The following PON1 variants were observed in gnomAD, a reference collection of about 807,000 sequenced individuals.
The protein encoded by PON1 is serum paraoxonase/arylesterase 1.
PON1 carries 37 observed loss-of-function variants against 39.2 expected under a neutral mutation model. The ratio of observed to expected loss-of-function variants is 0.94; its 90% confidence interval spans 0.73 to 1.24. The LOEUF is 1.24. Among genes scored for constraint, PON1 ranks in the 50% most tolerant of loss-of-function variants. PON1 has a pLI of 0.00. For synonymous variants in PON1, 148 were observed against 152.2 expected (o/e 0.97, Z 0.21); for missense variants, 397 against 413.5 (o/e 0.96, Z 0.35).
At chr7:95,301,941 C>CA (rs1263735636) in intron 8 of PON1, among the ~76,000 whole-genome samples, 3 of 121,136 alleles carry the variant, frequency 2.5e-5, no homozygotes, top group African/African-American at 9.5e-5. Flanking sequence ...AAAAAAAATA[C>CA]AAAAAATTAG....
chr7:95,307,072 TTAA>T (rs1196781412), intron 6 of PON1, among the ~76,000 whole-genome samples: 2 of 146,812 alleles, frequency 1.4e-5, no homozygotes, highest in African/African-American at 5.2e-5. Flanking sequence ...TTTTTTTTTT[TTAA>T]AAAAAAACAG....
intron 1 of PON1, chr7:95,318,617 G>A: frequency 2.0e-6 from 1 of 500,002 alleles, no homozygotes; most frequent in South Asian, 2.0e-5. Context: ...GTACACATAA[G>A]AGATACATAA....
In PON1 at chr7:95,324,445, C is replaced by T. The variant is rs2116333838; in HGVS notation, c.31G>A (p.Gly11Arg). The change falls in exon 1 of 9, where the codon GGG (glycine) becomes AGG (arginine). Residue 11 changes from glycine (G) to arginine (R), a missense_variant. Transcript: ENST00000222381. MAKLIALTLL[G>R]MGLALFRNHQ... Reference sequence around the variant, plus strand: ...TTCCTGAAGAGTGCCAGTCCCATCCCCAAGAGGGTGAGCGCAATCAGCTTC... The same window carrying T: ...TTCCTGAAGAGTGCCAGTCCCATCCTCAAGAGGGTGAGCGCAATCAGCTTC... 1.2e-6 allele frequency: 2 copies of T among 1,614,180 alleles called. No individual in the cohort carries two copies. Among genetic ancestry groups the T allele is most frequent in the African/African-American group, 1.3e-5 (1 of 75,056 alleles).
intron 2 of PON1, among the ~76,000 whole-genome samples, chr7:95,317,263 T>A (rs1461680192): frequency 6.6e-6 from 1 of 152,122 alleles, no homozygotes; most frequent in Non-Finnish European, 1.5e-5. Flanking sequence ...TTTTAGGTGA[T>A]CAAGAATATG....
In PON1 at chr7:95,324,458, C is replaced by T; in HGVS notation, c.18G>A (p.Ala6=). 6 of 1,614,102 alleles carry T rather than the reference C, an allele frequency of 3.7e-6. No homozygotes were observed. The highest frequency in any genetic ancestry group is 5.1e-6 in the Non-Finnish European group (6 of 1,179,998). The stretch of plus-strand genomic sequence containing the variant: ...CCAGTCCCATCCCCAAGAGGGTGAG[C>T]GCAATCAGCTTCGCCATGGTCGGGG... MAKLI[A]LTLLGMGLAL... is the part of the protein sequence containing the mutation. The change falls in exon 1 of 9, where the codon GCG becomes GCA. Residue 6 remains alanine (A), a synonymous_variant. Coordinates refer to ENST00000222381, the MANE Select transcript of PON1 (RefSeq NM_000446.7).
intron 4 of PON1, 135 bp from the exon 5 acceptor site, chr7:95,311,712 T>C (rs1189143112): frequency 1.0e-6 from 1 of 953,734 alleles, no homozygotes; most frequent in Non-Finnish European, 1.6e-6. Context: ...CATCTCTTTG[T>C]AGAGAGAAGC....
At position 95,316,739 on chromosome 7, in the gene PON1, T is replaced by C; in HGVS notation, c.196A>G (p.Ser66Gly). The change falls in exon 3 of 9, where the codon AGC (serine) becomes GGC (glycine). Residue 66 changes from serine (S) to glycine (G), a missense_variant. Physicochemically the swap from Ser to Gly is moderately conservative, Grantham distance 56. Transcript: ENST00000222381. ...AAGTGAAAGAAAACACTCACAGAGC[T>C]AATGAAAGCCAGTCCATTAGGCAGT... ...EILPNGLAFI[S>G]SGLKYPGIKS... The C allele has an allele frequency of 1.9e-6, 3 of 1,613,116 alleles. No individual in the cohort carries two copies. The highest frequency in any genetic ancestry group is 2.5e-6 in the Non-Finnish European group (3 of 1,179,126).
At chr7:95,311,414 A>G (rs1807650576) in intron 5 of PON1, 37 bp downstream of exon 5, 1 of 1,612,308 alleles carries the variant, frequency 6.2e-7, no homozygotes, top group Non-Finnish European at 8.5e-7. Context: ...TATCCGCTAC[A>G]GCTAAAGGAA....
chr7:95,311,632 C>G, intron 4 of PON1, 55 bp from the exon 5 acceptor site: 2 of 1,609,186 alleles, frequency 1.2e-6, no homozygotes, highest in African/African-American at 2.7e-5. Context: ...CACTGTCAGC[C>G]CTCTCTCCAA....
intron 6 of PON1, among the ~76,000 whole-genome samples, chr7:95,307,774 C>G (rs1406738723): frequency 6.6e-6 from 1 of 152,090 alleles, no homozygotes; most frequent in African/African-American, 2.4e-5. Context: ...TCACAGTTCC[C>G]CCTCTTAAAA....
At position 95,318,395 on chromosome 7, in the gene PON1, T is replaced by C; in HGVS notation, c.75-2A>G. On this transcript the variant is annotated splice_acceptor_variant, in intron 1 of 8. Transcript: ENST00000222381. LOFTEE classifies it high-confidence loss of function. ...TCTCGGAGAGCATTAAGTCGTGTTC[T>C]GTGGGGGAGAAAGAAATAAAACACA... 6.2e-7 allele frequency: 1 copy of C among 1,603,352 alleles called. No homozygotes were observed. Among genetic ancestry groups the C allele is most frequent in the Non-Finnish European group, 8.5e-7 (1 of 1,170,338 alleles).
chr7:95,304,326 C>CT (rs1197769192), intron 7 of PON1, among the ~76,000 whole-genome samples: 1 of 126,048 alleles, frequency 7.9e-6, no homozygotes, highest in Non-Finnish European at 1.6e-5. Flanking sequence ...GAACTTCATT[C>CT]CTTTTTTTTT....
intron 2 of PON1, among the ~76,000 whole-genome samples, chr7:95,317,573 C>CAAAAAAAAA (rs869140411): frequency 7.5e-3 from 325 of 43,058 alleles, no homozygotes; most frequent in East Asian, 0.018. Context: ...TCTAAAAGAA[C>CAAAAAAAAA]AAAAAAAAAA....
intron 2 of PON1, among the ~76,000 whole-genome samples, chr7:95,317,956 A>G (rs1448316486): frequency 6.6e-6 from 1 of 152,226 alleles, no homozygotes; most frequent in Non-Finnish European, 1.5e-5. Context: ...AAGTCCTGTC[A>G]GAGCCTTTCT....
intron 7 of PON1, among the ~76,000 whole-genome samples, chr7:95,304,117 C>T (rs1035120525): frequency 6.6e-6 from 1 of 152,128 alleles, no homozygotes; most frequent in Non-Finnish European, 1.5e-5. Flanking sequence ...AAATCCTGTA[C>T]CCATTAAACA....
intron 2 of PON1, among the ~76,000 whole-genome samples, chr7:95,317,594 G>GAA (rs1357541602): frequency 4.0e-5 from 3 of 75,182 alleles, no homozygotes; most frequent in East Asian, 2.4e-4. Context: ...AAAAAAAAAA[G>GAA]AAAGAAAAAG....
intron 1 of PON1, among the ~76,000 whole-genome samples, chr7:95,323,847 G>A (rs1303618683): frequency 6.6e-6 from 1 of 152,162 alleles, no homozygotes; most frequent in East Asian, 1.9e-4. Context: ...TCAGATGCTG[G>A]CTCCAGGGTT....
In PON1 at chr7:95,316,801, G is replaced by A. The variant is rs769643433; in HGVS notation, c.146-12C>T. 1 of 1,609,236 alleles carries A rather than the reference G, an allele frequency of 6.2e-7. No homozygotes were observed. The highest frequency in any genetic ancestry group is 2.2e-5 in the East Asian group (1 of 44,846). Reference sequence around the variant, plus strand: ...TTCAGAGCCAGTTTCTGCCAGAAAAGAGAACAGAAAGTACAGGTTGTTTCA... The same window carrying A: ...TTCAGAGCCAGTTTCTGCCAGAAAAAAGAACAGAAAGTACAGGTTGTTTCA... On this transcript the variant is annotated splice_polypyrimidine_tract_variant and intron_variant, in intron 2 of 8. Transcript: ENST00000222381.
At chr7:95,311,211 A>C (rs138040948) in intron 5 of PON1, among the ~76,000 whole-genome samples, 1 of 152,308 alleles carries the variant, frequency 6.6e-6, no homozygotes, top group African/African-American at 2.4e-5. Flanking sequence ...ACTTGAATGG[A>C]GATCCTGAGG....
Sources: allele counts gnomAD v4.1 joint callset (sites outside exome capture counted in the v4.1 genomes callset), GRCh38; gene constraint gnomAD v4.1.1; transcripts MANE v1.5; gene names NCBI Gene and HGNC (gene_info 2026-07-23, HGNC 2026-07-21).